The following TNK2 variants were observed in gnomAD, a reference collection of about 807,000 sequenced individuals.
TNK2 encodes tyrosine kinase non receptor 2.
Under a neutral mutation model 101.8 loss-of-function variants are expected in TNK2, and 83 were observed. That is an observed-to-expected ratio of 0.82 (90% CI 0.68 to 0.98). The LOEUF is 0.98. Among genes scored for constraint, TNK2 ranks in the 50% least tolerant of loss-of-function variants. The probability of loss-of-function intolerance (pLI) is 0.00; values close to 1 mark genes in which losing one functional copy is unlikely to be tolerated. For missense variants in TNK2, 1,665 were observed against 1,483.2 expected (o/e 1.12, Z -2.01); for synonymous variants, 804 against 633.0 (o/e 1.27, Z -4.06).
intron 1 of TNK2, among the ~76,000 whole-genome samples, chr3:195,893,048 C>T (rs897279076): frequency 1.3e-5 from 2 of 151,938 alleles, no homozygotes; most frequent in East Asian, 3.9e-4. Context: ...GGCTATGTGA[C>T]TCAAACAGCA....
At chr3:195,869,663 G>A (rs1013803594) in intron 11 of TNK2, 122 bp from the exon 12 acceptor site, 14 of 1,013,756 alleles carry the variant, frequency 1.4e-5, no homozygotes, top group African/African-American at 8.0e-5. Context: ...GAATGGGGGC[G>A]AGTGAATGTA....
Position 195,868,426 on chromosome 3 carries a change from C to A in TNK2, c.1872G>T (p.Thr624=), listed in dbSNP as rs144161756. 5 of 1,568,054 alleles carry A rather than the reference C, an allele frequency of 3.2e-6. No individual in the cohort carries two copies. The South Asian group carries it at 3.4e-5, about 11-fold the overall frequency. The change falls in exon 13 of 16, where the codon ACG becomes ACT. Residue 624 remains threonine, a synonymous_variant. Transcript: ENST00000672887. ...LLDETPPQSP[T]RALPRPLHPT... is the part of the protein sequence containing the mutation. ...GGTGCAGGGGCCGGGGCAGTGCCCG[C>A]GTGGGGCTCTGAGGCGGGGTCTCGT...
chr3:195,867,769 G>C lies in TNK2; in HGVS notation c.2529C>G (p.Ala843=). 6.3e-7 allele frequency: 1 copy of C among 1,585,660 alleles called. No homozygotes were observed. The highest frequency in any genetic ancestry group is 8.6e-7 in the Non-Finnish European group (1 of 1,167,728). ...CAGGGGCCTGGATCACCTGGGGGGT[G>C]GCGTACTTGGGGTCTGAGGCAAAGC... ...TQSFASDPKY[A]TPQVIQAPGP... The change falls in exon 13 of 16, where the codon GCC becomes GCG. Residue 843 remains alanine, a synonymous_variant. Coordinates refer to ENST00000672887, the MANE Select transcript of TNK2 (RefSeq NM_001382273.1).
In TNK2 at chr3:195,867,973, G is replaced by T. The variant is rs779552219; in HGVS notation, c.2325C>A (p.Pro775=). The change falls in exon 13 of 16, where the codon CCC becomes CCA. Residue 775 remains proline (P), a synonymous_variant. Transcript: ENST00000672887. ...TRPHVQLSPA[P]PGEEETSQWP... The stretch of plus-strand genomic sequence containing the variant: ...ACTGGCTGGTCTCCTCCTCGCCCGG[G>T]GGGGCTGGAGACAGCTGGACGTGTG... 3.5e-5 allele frequency: 54 copies of T among 1,546,800 alleles called. No homozygotes were observed. Among genetic ancestry groups the T allele is most frequent in the South Asian group, 6.0e-5 (5 of 83,914 alleles).
In TNK2 at chr3:195,896,159, G is replaced by A. The variant is rs916539563; in HGVS notation, c.-18-7553C>T. On this transcript the variant is annotated intron_variant, in intron 1 of 15. Transcript: ENST00000672887. The stretch of plus-strand genomic sequence containing the variant: ...CGCCCAGCACTGGCGCGAGGCCATC[G>A]CCGGCACAGGAAGTCCCAGGGCAGA... 89 of 454,966 alleles carry A rather than the reference G, an allele frequency of 2.0e-4. 1 individual carries two copies. The highest frequency in any genetic ancestry group is 1.6e-3 in the African/African-American group (80 of 50,086). 28.2% of individuals were successfully genotyped at this position (454,966 alleles called of 1,614,324 possible).
chr3:195,870,807 T>C (rs1333912556), intron 10 of TNK2, among the ~76,000 whole-genome samples: 2 of 152,254 alleles, frequency 1.3e-5, no homozygotes, highest in East Asian at 3.8e-4. Flanking sequence ...TGGAGGTGTC[T>C]GCAGTCTTTC....
chr3:195,899,711 A>G (rs1333120262), intron 1 of TNK2, among the ~76,000 whole-genome samples: 1 of 152,228 alleles, frequency 6.6e-6, no homozygotes, highest in Non-Finnish European at 1.5e-5. Flanking sequence ...GTATCAGCAC[A>G]TAATTGTGCT....
rs779867897 is a variant in TNK2 at position 195,866,886 on chromosome 3, CACTT to C, written c.3160_3161+2del. The C allele has an allele frequency of 1.9e-5, 30 of 1,609,934 alleles. No individual in the cohort carries two copies. Among genetic ancestry groups the C allele is most frequent in the African/African-American group, 1.6e-4 (12 of 75,004 alleles). ...AGCGGGGCAGACTGTGGGGCTCACT[CACTT>C]GTGGTGGGCAGGGCCCCAGGAGCCC... On this transcript the variant is annotated splice_donor_variant and coding_sequence_variant, in exon 15 of 16. Transcript: ENST00000672887. LOFTEE classifies it high-confidence loss of function.
chr3:195,887,433 A>C (rs1297406023), intron 2 of TNK2, among the ~76,000 whole-genome samples: 1 of 152,248 alleles, frequency 6.6e-6, no homozygotes, highest in Non-Finnish European at 1.5e-5. Context: ...CTAACTTAGC[A>C]CATTACTACC....
At chr3:195,876,769 C>T (rs1389547517) in intron 9 of TNK2, 3 of 383,608 alleles carry the variant, frequency 7.8e-6, no homozygotes, top group Non-Finnish European at 1.0e-5. Context: ...GGGCGGGGCA[C>T]ACCCACAACC....
chr3:195,900,950 G>T (rs552317642), intron 1 of TNK2, among the ~76,000 whole-genome samples: 1 of 152,374 alleles, frequency 6.6e-6, no homozygotes, highest in Non-Finnish European at 1.5e-5. Flanking sequence ...TGTTGGCCCT[G>T]GAGGTGGAGT....
intron 1 of TNK2, among the ~76,000 whole-genome samples, chr3:195,906,465 C>T (rs2149889694): frequency 6.6e-6 from 1 of 152,254 alleles, no homozygotes; most frequent in Middle Eastern, 3.4e-3. Flanking sequence ...TACGCGCAAC[C>T]ACCTGGACAA....
chr3:195,890,828 T>C (rs1337584637), intron 1 of TNK2, among the ~76,000 whole-genome samples: 1 of 152,242 alleles, frequency 6.6e-6, no homozygotes, highest in Non-Finnish European at 1.5e-5. Context: ...AGAAGTCCAC[T>C]ATTTGCAAAA....
rs1462886421 is a variant in TNK2 at position 195,867,347 on chromosome 3, G to A, written c.2937+14C>T. 1.2e-6 allele frequency: 2 copies of A among 1,608,152 alleles called. No homozygotes were observed. Among genetic ancestry groups the A allele is most frequent in the African/African-American group, 1.3e-5 (1 of 74,874 alleles). On this transcript the variant is annotated intron_variant, in intron 13 of 15. Transcript: ENST00000672887. ...CCCTGCCCCGCTTCGCCCACAGCCA[G>A]GCTGGGTGCTCACCATCTGGATCTT...
Position 195,885,677 on chromosome 3 carries a change from G to T in TNK2, c.235-644C>A. Reference sequence around the variant, plus strand: ...TCTGGAGGGGCGCCTAGAGCTGAGGGCTGAGACGGAAGGAAAAGTGGAGGA... The same window carrying T: ...TCTGGAGGGGCGCCTAGAGCTGAGGTCTGAGACGGAAGGAAAAGTGGAGGA... On this transcript the variant is annotated intron_variant, in intron 3 of 15. Coordinates refer to ENST00000672887, the MANE Select transcript of TNK2 (RefSeq NM_001382273.1). The surrounding 1 kb of genome is among the most constrained non-coding windows in gnomAD (Gnocchi z 4.7). 1.0e-6 allele frequency: 1 copy of T among 988,994 alleles called. No individual in the cohort carries two copies. Among genetic ancestry groups the T allele is most frequent in the Non-Finnish European group, 1.4e-6 (1 of 723,674 alleles). 61.3% of individuals were successfully genotyped at this position (988,994 alleles called of 1,614,324 possible).
intron 1 of TNK2, among the ~76,000 whole-genome samples, chr3:195,907,811 C>G (rs1204254659): frequency 6.6e-6 from 1 of 152,228 alleles, no homozygotes; most frequent in Non-Finnish European, 1.5e-5. Context: ...GCCCAGAGCC[C>G]TGGGGTGCAA....
Position 195,867,762 on chromosome 3 carries a change from G to T in TNK2, c.2536C>A (p.Gln846Lys), listed in dbSNP as rs1225083696. Reference protein sequence around the residue: ...FASDPKYATPQVIQAPGPRAG... With the variant: ...FASDPKYATPKVIQAPGPRAG... ...CGCGGGCCAGGGGCCTGGATCACCTGGGGGGTGGCGTACTTGGGGTCTGAG... is the reference window on the plus strand; with the variant it reads ...CGCGGGCCAGGGGCCTGGATCACCTTGGGGGTGGCGTACTTGGGGTCTGAG... Residue 846 changes from glutamine (Q) to lysine (K), a missense_variant, in exon 13 of 16, where the codon CAG becomes AAG. Gln to Lys is a moderately conservative substitution (Grantham distance 53). Coordinates refer to ENST00000672887, the MANE Select transcript of TNK2 (RefSeq NM_001382273.1). The T allele has an allele frequency of 6.3e-7, 1 of 1,587,980 alleles. No homozygotes were observed. The highest frequency in any genetic ancestry group is 8.6e-7 in the Non-Finnish European group (1 of 1,168,842).
At chr3:195,871,024 C>T (rs934761298) in intron 10 of TNK2, among the ~76,000 whole-genome samples, 5 of 134,402 alleles carry the variant, frequency 3.7e-5, no homozygotes, top group Non-Finnish European at 8.2e-5. Flanking sequence ...TGTGGGGGCC[C>T]GCTGTGTGGG....
rs920461009 is a variant in TNK2 at position 195,886,150 on chromosome 3, C to G, written c.234+827G>C. On this transcript the variant is annotated intron_variant, in intron 3 of 15. Transcript: ENST00000672887. This position sits in a 1 kb window ranked among gnomAD's most constrained non-coding sequence, Gnocchi z 4.2. ...CAGGAGCCAGTGGCAGATCCAAGAC[C>G]CCTAAATCTCAGCAAACCACGCTGC... 1 of 153,714 alleles carries G rather than the reference C, an allele frequency of 6.5e-6. No homozygotes were observed. The highest frequency in any genetic ancestry group is 2.4e-5 in the African/African-American group (1 of 41,426). 9.5% of individuals were successfully genotyped at this position (153,714 alleles called of 1,614,324 possible).
Sources: gnomAD v4.1 joint callset for allele counts (sites outside exome capture counted in the v4.1 genomes callset) on GRCh38, gnomAD v4.1.1 for gene constraint, Gnocchi (gnomAD v3.1) non-coding constraint, MANE v1.5 for transcripts, NCBI Gene and HGNC (gene_info 2026-07-23, HGNC 2026-07-21) for gene names.